Variants in CNTN1 observed in about 807,000 individuals in gnomAD.
CNTN1 encodes the protein contactin-1.
In CNTN1, 38 loss-of-function variants were observed where a neutral mutation model predicts 126.4. The ratio of observed to expected loss-of-function variants is 0.30; its 90% confidence interval spans 0.23 to 0.39. The LOEUF is 0.39. Ranked by LOEUF, CNTN1 falls within the 10% of genes least tolerant of loss-of-function variation. The probability of loss-of-function intolerance (pLI) is 1.00; values close to 1 mark genes in which losing one functional copy is unlikely to be tolerated. For synonymous variants in CNTN1, 413 were observed against 422.6 expected (o/e 0.98, Z 0.28); for missense variants, 1,009 against 1,248.4 (o/e 0.81, Z 2.89).
chr12:40,805,489 T>TA (rs1298396532), intron 1 of CNTN1, among the ~76,000 whole-genome samples: 4 of 151,896 alleles, frequency 2.6e-5, no homozygotes, highest in Admixed American at 6.6e-5. Context: ...ATTATCTTCT[T>TA]AAAAAAAAGT....
intron 17 of CNTN1, among the ~76,000 whole-genome samples, chr12:41,006,482 T>A (rs758628750): frequency 6.6e-6 from 1 of 152,146 alleles, no homozygotes; most frequent in South Asian, 2.1e-4. Context: ...GTGGGAAAAG[T>A]CTGGATGTCT....
At chr12:40,788,072 A>T (rs1471827768) in intron 1 of CNTN1, among the ~76,000 whole-genome samples, 1 of 152,120 alleles carries the variant, frequency 6.6e-6, no homozygotes, top group Non-Finnish European at 1.5e-5. Context: ...TTTATTTTGA[A>T]TTATATTAAC....
chr12:40,899,074 A>T (rs1273368565), intron 1 of CNTN1, among the ~76,000 whole-genome samples: 1 of 152,208 alleles, frequency 6.6e-6, no homozygotes, highest in East Asian at 1.9e-4. Flanking sequence ...CTCAGGGTAC[A>T]TTGAGTGAGC....
At position 40,971,776 on chromosome 12, in the gene CNTN1, T is replaced by A. The variant is rs1469687006; in HGVS notation, c.1805-9133T>A. 5.8e-6 allele frequency: 7 copies of A among 1,215,804 alleles called. No individual in the cohort carries two copies. The Admixed American group carries it at 3.2e-4, about 56-fold the overall frequency. 75.3% of individuals were successfully genotyped at this position (1,215,804 alleles called of 1,614,324 possible). A position where few individuals can be genotyped will look rare whatever the true frequency, so the allele number is the denominator to read the frequency against. On this transcript the variant is annotated intron_variant, in intron 15 of 23. Coordinates refer to ENST00000551295, the MANE Select transcript of CNTN1 (RefSeq NM_001843.4). The stretch of plus-strand genomic sequence containing the variant: ...TAATGGCCAAGTGAAAGTTTTGTGT[T>A]TTCATGTCCTGTTTTTCTTTGAAAT...
intron 23 of CNTN1, among the ~76,000 whole-genome samples, chr12:41,067,937 A>C (rs1448598351): frequency 2.0e-5 from 3 of 152,230 alleles, no homozygotes; most frequent in African/African-American, 7.2e-5. Flanking sequence ...AAAAAAAATT[A>C]CAAGAATACA....
chr12:40,839,258 G>A (rs1263594424), intron 1 of CNTN1, among the ~76,000 whole-genome samples: 2 of 152,104 alleles, frequency 1.3e-5, no homozygotes, highest in Non-Finnish European at 2.9e-5. Context: ...AAAAGAATGA[G>A]CAAAGCCATT....
chr12:40,825,766 C>T (rs1293530864), intron 1 of CNTN1, among the ~76,000 whole-genome samples: 1 of 151,380 alleles, frequency 6.6e-6, no homozygotes, highest in African/African-American at 2.5e-5. Flanking sequence ...CACAGTGTCC[C>T]TTGTGCCATA....
intron 13 of CNTN1, 105 bp downstream of exon 13, chr12:40,943,829 A>G: frequency 2.1e-6 from 3 of 1,461,310 alleles, no homozygotes; most frequent in Non-Finnish European, 2.8e-6. Context: ...TTTTCAAAAG[A>G]ATTTCAGGCA....
At chr12:40,924,408 A>T in intron 5 of CNTN1, 149 bp from the exon 6 acceptor site, 1 of 647,482 alleles carries the variant, frequency 1.5e-6, no homozygotes, top group Non-Finnish European at 2.8e-6. Flanking sequence ...CAATGTAAGA[A>T]CGAGGAGCTG....
intron 1 of CNTN1, among the ~76,000 whole-genome samples, chr12:40,831,056 A>G (rs1223258827): frequency 1.4e-5 from 2 of 142,060 alleles, no homozygotes; most frequent in African/African-American, 2.7e-5. Context: ...CTATAAATAT[A>G]TACAATACAG....
At chr12:40,795,941 G>A (rs747415347) in intron 1 of CNTN1, among the ~76,000 whole-genome samples, 2 of 152,002 alleles carry the variant, frequency 1.3e-5, no homozygotes, top group African/African-American at 4.8e-5. Context: ...TATTATATTT[G>A]TAATTTGACA....
At chr12:41,068,002 T>G (rs1476975683) in intron 23 of CNTN1, among the ~76,000 whole-genome samples, 1 of 152,224 alleles carries the variant, frequency 6.6e-6, no homozygotes, top group African/African-American at 2.4e-5. Context: ...ACATTTATTA[T>G]TTTCCTTCTG....
At chr12:40,854,607 T>C (rs1351322855) in intron 1 of CNTN1, among the ~76,000 whole-genome samples, 1 of 152,106 alleles carries the variant, frequency 6.6e-6, no homozygotes, top group East Asian at 1.9e-4. Context: ...TATGAGGATT[T>C]AAGGAGCCAA....
chr12:40,767,993 CATTTCTATACTGATATACTTCTAA>C (rs58284386), intron 1 of CNTN1, among the ~76,000 whole-genome samples: 146,979 of 152,030 alleles, frequency 0.97, 71,242 homozygotes, highest in East Asian at 1. Flanking sequence ...AAAGACTGAT[CATTTCTATACTGATATACTTCTAA>C]AGCTTATACA....
chr12:40,804,159 A>G (rs1940757014), intron 1 of CNTN1, among the ~76,000 whole-genome samples: 1 of 152,058 alleles, frequency 6.6e-6, no homozygotes, highest in Non-Finnish European at 1.5e-5. Flanking sequence ...GAAGTTACAT[A>G]GAACAAAAGA....
At chr12:40,918,282 C>T (rs905731869) in intron 3 of CNTN1, among the ~76,000 whole-genome samples, 1 of 152,048 alleles carries the variant, frequency 6.6e-6, no homozygotes, top group African/African-American at 2.4e-5. Flanking sequence ...ATGGCTAGGT[C>T]ACCAAAGGAT....
Position 40,797,428 on chromosome 12 carries a change from C to T in CNTN1, c.-77+104836C>T, listed in dbSNP as rs7314212. ...AAAGCATCCCAGGCCAAAAGAGCAG[C>T]TTATGCAGAGACAGAGAGTATGTTA... On this transcript the variant is annotated intron_variant, in intron 1 of 23. Transcript: ENST00000551295. 3.4e-3 allele frequency among the ~76,000 whole-genome samples: 511 copies of T among 152,024 alleles called. 1 individual carries two copies. The highest frequency in any genetic ancestry group is 0.012 in the African/African-American group (499 of 41,490).
intron 1 of CNTN1, among the ~76,000 whole-genome samples, chr12:40,905,498 A>C (rs905855054): frequency 3.9e-5 from 6 of 152,188 alleles, no homozygotes; most frequent in Non-Finnish European, 8.8e-5. Context: ...AAATGTGAAT[A>C]TCTGTGGGAA....
At chr12:40,986,519 G>A (rs576564858) in intron 16 of CNTN1, among the ~76,000 whole-genome samples, 6 of 151,982 alleles carry the variant, frequency 3.9e-5, no homozygotes, top group East Asian at 1.9e-4. Flanking sequence ...ATCAGATTTC[G>A]GCAGACTCTT....
Sources: gnomAD v4.1 joint callset for allele counts (sites outside exome capture counted in the v4.1 genomes callset) on GRCh38, gnomAD v4.1.1 for gene constraint, MANE v1.5 for transcripts, NCBI Gene and HGNC (gene_info 2026-07-23, HGNC 2026-07-21) for gene names.